Variants in COL4A1 observed in about 807,000 individuals in gnomAD.
COL4A1 encodes the protein collagen alpha-1(IV) chain.
A neutral mutation model predicts 216.6 loss-of-function variants in COL4A1; 40 were observed. The observed-to-expected ratio is 0.18, with a 90% CI of 0.14 to 0.24. The LOEUF (loss-of-function observed/expected upper bound fraction) is 0.24, where lower values mean the gene tolerates loss of function less well. Among genes scored for constraint, COL4A1 ranks in the 10% least tolerant of loss-of-function variants. The pLI is 1.00. For synonymous variants in COL4A1, 839 were observed against 810.7 expected (o/e 1.03, Z -0.59); for missense variants, 1,628 against 2,196.8 (o/e 0.74, Z 5.18).
In COL4A1 at chr13:110,166,383, G is replaced by C. The variant is rs150005695; in HGVS notation, c.3950-80C>G. On this transcript the variant is annotated intron_variant, in intron 44 of 51. Transcript: ENST00000375820. The stretch of plus-strand genomic sequence containing the variant: ...ATGTGTGTGTATATATCTCTCTCTA[G>C]TGCACACACATACATGTACACAAAT... The C allele has an allele frequency of 1.1e-3, 992 of 892,908 alleles. 12 individuals are homozygous for C. The African/African-American group carries it at 0.014, about 13-fold the overall frequency. The allele number at this position is 892,908 out of a possible 1,614,324, so 55.3% of individuals were successfully genotyped here.
At chr13:110,297,041 G>A (rs1049409922) in intron 1 of COL4A1, among the ~76,000 whole-genome samples, 13 of 152,192 alleles carry the variant, frequency 8.5e-5, no homozygotes, top group Non-Finnish European at 1.2e-4. Context: ...CCTCAAGCCC[G>A]TCTTTTTGGG....
rs1412386156 is a variant in COL4A1 at position 110,205,395 on chromosome 13, A to G, written c.915T>C (p.Gly305=). 1 of 1,614,008 alleles carries G rather than the reference A, an allele frequency of 6.2e-7. No homozygotes were observed. The highest frequency in any genetic ancestry group is 8.5e-7 in the Non-Finnish European group (1 of 1,180,036). The part of the protein sequence containing the change: ...KGEKGSPGFP[G]EPGYPGLIGR... ...CTATGAGTCCTGGGTACCCGGGTTCACCAGGAAAACCCTGAAACCGAAGAG... is the reference window on the plus strand; with the variant it reads ...CTATGAGTCCTGGGTACCCGGGTTCGCCAGGAAAACCCTGAAACCGAAGAG... Residue 305 remains glycine, a synonymous_variant, in exon 17 of 52, where the codon GGT becomes GGC. Coordinates refer to ENST00000375820, the MANE Select transcript of COL4A1 (RefSeq NM_001845.6).
chr13:110,208,978 T>C, intron 11 of COL4A1, 88 bp from the exon 12 acceptor site: 1 of 1,348,364 alleles, frequency 7.4e-7, no homozygotes, highest in Non-Finnish European at 1.1e-6. Flanking sequence ...TGCAATAAGA[T>C]GGTAGATTTC....
At chr13:110,278,861 T>C (rs1480167907) in intron 1 of COL4A1, among the ~76,000 whole-genome samples, 1 of 152,192 alleles carries the variant, frequency 6.6e-6, no homozygotes, top group Non-Finnish European at 1.5e-5. Context: ...CTACCTTAGA[T>C]GTTTCAGCAG....
At chr13:110,162,559 C>A in intron 47 of COL4A1, 117 bp from the exon 48 acceptor site, 1 of 820,254 alleles carries the variant, frequency 1.2e-6, no homozygotes, top group Non-Finnish European at 2.0e-6. Context: ...AGTATCCTAC[C>A]TATTCATGTT....
At position 110,162,327 on chromosome 13, in the gene COL4A1, T is replaced by C. The variant is rs1375128281; in HGVS notation, c.4365A>G (p.Ile1455Met). The change falls in exon 48 of 52, where the codon ATA becomes ATG. Residue 1455 changes from isoleucine (I) to methionine (M), a missense_variant. This residue lies in a region of COL4A1 where 254 missense variants were observed against 300.1 expected (regional missense o/e 0.85). Transcript: ENST00000375820. Reference sequence around the variant, plus strand: ...TCCCAGAAGGACACTGTGGGTCATCTATTGTTTGACTATGCCTGGTCACAA... The same window carrying C: ...TCCCAGAAGGACACTGTGGGTCATCCATTGTTTGACTATGCCTGGTCACAA... ...GFLVTRHSQTIDDPQCPSGTK... is the reference protein window; with the variant it reads ...GFLVTRHSQTMDDPQCPSGTK... 6.2e-7 allele frequency: 1 copy of C among 1,614,230 alleles called. No homozygotes were observed. The highest frequency in any genetic ancestry group is 1.1e-5 in the South Asian group (1 of 91,090).
chr13:110,181,727 T>A (rs192428223), intron 28 of COL4A1, among the ~76,000 whole-genome samples: 2 of 152,296 alleles, frequency 1.3e-5, no homozygotes, highest in Non-Finnish European at 2.9e-5. Context: ...TTTATTCATC[T>A]ACTCAAGGTG....
chr13:110,154,931 G>A (rs72652082), intron 50 of COL4A1, among the ~76,000 whole-genome samples: 1 of 152,366 alleles, frequency 6.6e-6, no homozygotes, highest in Non-Finnish European at 1.5e-5. Flanking sequence ...GAAGCTGGTT[G>A]TATAGAGAAG....
intron 18 of COL4A1, 83 bp downstream of exon 18, chr13:110,203,483 C>T (rs989330823): frequency 5.4e-6 from 8 of 1,489,208 alleles, no homozygotes; most frequent in East Asian, 4.5e-5. Flanking sequence ...TCTCCTTCCT[C>T]CCCCCAGTGC....
chr13:110,206,834 T>A, intron 14 of COL4A1, 31 bp downstream of exon 14: 1 of 1,613,848 alleles, frequency 6.2e-7, no homozygotes, highest in Non-Finnish European at 8.5e-7. Context: ...GTCTTTGACC[T>A]AAAAATGATA....
intron 1 of COL4A1, among the ~76,000 whole-genome samples, chr13:110,271,192 G>GA (rs1310966018): frequency 1.3e-5 from 2 of 152,210 alleles, no homozygotes; most frequent in Non-Finnish European, 2.9e-5. Flanking sequence ...ACTAACAAAT[G>GA]AGACGGGATG....
rs145338390 is a variant in COL4A1 at position 110,223,425 on chromosome 13, A to G, written c.145-9410T>C. On this transcript the variant is annotated intron_variant, in intron 2 of 51. Coordinates refer to ENST00000375820, the MANE Select transcript of COL4A1 (RefSeq NM_001845.6). ...AGTTTTTTGGATCCCAAAAAAGATG[A>G]TAACATTCTCTCCTTTGCTTAACCT... Among the ~76,000 whole-genome samples, 381 of 152,354 alleles carry G rather than the reference A, an allele frequency of 2.5e-3. 1 individual carries two copies. Among genetic ancestry groups the G allele is most frequent in the Middle Eastern group, 0.017 (5 of 294 alleles).
intron 1 of COL4A1, among the ~76,000 whole-genome samples, chr13:110,283,370 G>A (rs1166786058): frequency 2.0e-5 from 3 of 152,214 alleles, no homozygotes; most frequent in Non-Finnish European, 2.9e-5. Context: ...AGCCAAATGT[G>A]AAATGTGTTG....
At chr13:110,252,672 TATA>T (rs1232270550) in intron 1 of COL4A1, among the ~76,000 whole-genome samples, 1 of 142,978 alleles carries the variant, frequency 7.0e-6, no homozygotes, top group African/African-American at 2.5e-5. Flanking sequence ...TATATATACA[TATA>T]ATATGTATAT....
intron 1 of COL4A1, among the ~76,000 whole-genome samples, chr13:110,251,015 C>A (rs1882049375): frequency 6.6e-6 from 1 of 152,244 alleles, no homozygotes; most frequent in Non-Finnish European, 1.5e-5. Flanking sequence ...GCCCTGCTCC[C>A]ATCCTTTGTA....
intron 26 of COL4A1, 102 bp downstream of exon 26, chr13:110,186,283 G>T: frequency 7.0e-7 from 1 of 1,428,938 alleles, no homozygotes; most frequent in Non-Finnish European, 9.8e-7. Context: ...CCAAGTGTGC[G>T]CCCTGGCCTA....
intron 44 of COL4A1, 54 bp downstream of exon 44, chr13:110,167,104 T>A (rs1394128350): frequency 6.8e-7 from 1 of 1,478,270 alleles, no homozygotes; most frequent in African/African-American, 1.4e-5. Flanking sequence ...AGCAAGCTCT[T>A]CACACAGCGT....
At chr13:110,282,395 GC>G (rs1340413329) in intron 1 of COL4A1, among the ~76,000 whole-genome samples, 1 of 152,176 alleles carries the variant, frequency 6.6e-6, no homozygotes. Context: ...CTCATGCTGT[GC>G]ATTCTAAGCT....
rs969333866 is a variant in COL4A1 at position 110,203,488 on chromosome 13, C to T, written c.999+78G>A. ...CCCAGGGTCCTCTCCTTCCTCCCCC[C>T]AGTGCTCTCACAGACCCAGGGTCCT... On this transcript the variant is annotated intron_variant, in intron 18 of 51. Transcript: ENST00000375820. 13 of 1,526,760 alleles carry T rather than the reference C, an allele frequency of 8.5e-6. No homozygotes were observed. The East Asian group carries it at 1.6e-4, about 18-fold the overall frequency. 94.6% of individuals were successfully genotyped at this position (1,526,760 alleles called of 1,614,324 possible).
Sources: allele counts gnomAD v4.1 joint callset (sites outside exome capture counted in the v4.1 genomes callset), GRCh38; gene constraint gnomAD v4.1.1; regional missense constraint gnomAD v4.1.1; transcripts MANE v1.5; gene names NCBI Gene and HGNC (gene_info 2026-07-23, HGNC 2026-07-21).